CDCA2: variants seen among roughly 807,000 people sequenced by gnomAD.
The protein encoded by CDCA2 is cell division cycle associated 2.
In CDCA2, 44 loss-of-function variants were observed where a neutral mutation model predicts 67.0. The observed-to-expected ratio is 0.66, with a 90% CI of 0.52 to 0.84. CDCA2 has a LOEUF of 0.84. Ranked by LOEUF, CDCA2 falls within the 40% of genes least tolerant of loss-of-function variation. The pLI is 0.00. For missense variants in CDCA2, 1,253 were observed against 1,203.2 expected (o/e 1.04, Z -0.61); for synonymous variants, 447 against 418.7 (o/e 1.07, Z -0.82).
At chr8:25,479,645 C>T (rs1803487945) in intron 7 of CDCA2, 2 of 472,712 alleles carry the variant, frequency 4.2e-6, no homozygotes, top group Non-Finnish European at 7.7e-6. Context: ...TTCTTTCAAC[C>T]TCTGACTCAG....
chr8:25,475,166 GA>G (rs1308663242), intron 7 of CDCA2, among the ~76,000 whole-genome samples: 1 of 152,140 alleles, frequency 6.6e-6, no homozygotes, highest in African/African-American at 2.4e-5. Context: ...ATGCTCAAAG[GA>G]GATGGTTATT....
At chr8:25,479,460 T>G (rs530673416) in intron 7 of CDCA2, among the ~76,000 whole-genome samples, 2 of 152,308 alleles carry the variant, frequency 1.3e-5, no homozygotes, top group Non-Finnish European at 2.9e-5. Flanking sequence ...GTTTATAGTT[T>G]GGTGTGATGA....
chr8:25,507,846 A>G lies in CDCA2; in HGVS notation c.*108A>G. On this transcript the variant is annotated 3_prime_UTR_variant, in exon 15 of 15. Coordinates refer to ENST00000330560, the MANE Select transcript of CDCA2 (RefSeq NM_152562.4). ...CAACCTCAGTGTTTCAAAAGTTCCT[A>G]ATAAATAAACTCATTTGAGTTGAAC... 3 of 1,214,766 alleles carry G rather than the reference A, an allele frequency of 2.5e-6. No individual in the cohort carries two copies. Among genetic ancestry groups the G allele is most frequent in the Non-Finnish European group, 3.3e-6 (3 of 912,296 alleles). 75.2% of individuals were successfully genotyped at this position (1,214,766 alleles called of 1,614,324 possible).
intron 7 of CDCA2, among the ~76,000 whole-genome samples, chr8:25,475,752 G>A (rs555132045): frequency 1.0e-3 from 159 of 152,290 alleles, no homozygotes; most frequent in African/African-American, 3.5e-3. Context: ...CTGCTGGCTG[G>A]TTTCTCTGGT....
intron 5 of CDCA2, among the ~76,000 whole-genome samples, chr8:25,467,065 A>AACAC (rs748648393): frequency 4.8e-5 from 6 of 126,252 alleles, no homozygotes; most frequent in Admixed American, 3.5e-4. Flanking sequence ...AAAAAAAAAA[A>AACAC]ACACACACAC....
chr8:25,507,118 A>G lies in CDCA2; in HGVS notation c.2452A>G (p.Ser818Gly), dbSNP rs1804712705. The G allele has an allele frequency of 4.3e-6, 7 of 1,614,212 alleles. No homozygotes were observed. The highest frequency in any genetic ancestry group is 5.9e-6 in the Non-Finnish European group (7 of 1,180,038). Residue 818 changes from serine (S) to glycine (G), a missense_variant, in exon 15 of 15, where the codon AGT becomes GGT. Transcript: ENST00000330560. ...GGATTTGGGAAGAAAACCCATGGAA[A>G]GTAGCAGTGTTGTGAGTTGCAGAGA... ...SEDLGRKPME[S>G]SSVVSCRDRK...
At chr8:25,492,710 T>C (rs1187141494) in intron 13 of CDCA2, among the ~76,000 whole-genome samples, 1 of 152,218 alleles carries the variant, frequency 6.6e-6, no homozygotes, top group Non-Finnish European at 1.5e-5. Context: ...GAAAAATGTT[T>C]GCAGTCATAA....
At chr8:25,474,538 A>G (rs1205627170) in intron 7 of CDCA2, among the ~76,000 whole-genome samples, 2 of 152,134 alleles carry the variant, frequency 1.3e-5, no homozygotes, top group Admixed American at 6.6e-5. Flanking sequence ...AATTATTCAT[A>G]GTAGTTGCTT....
chr8:25,471,987 A>C (rs77110569), intron 7 of CDCA2: 1 of 152,252 alleles, frequency 6.6e-6, no homozygotes, highest in East Asian at 1.9e-4. Context: ...GTGCACCTTC[A>C]GGAAGAATAA....
At chr8:25,500,461 A>G (rs1419711977) in intron 13 of CDCA2, among the ~76,000 whole-genome samples, 1 of 152,172 alleles carries the variant, frequency 6.6e-6, no homozygotes, top group African/African-American at 2.4e-5. Flanking sequence ...ACATATATCA[A>G]AATATGGTGT....
At position 25,505,364 on chromosome 8, in the gene CDCA2, G is replaced by A. The variant is rs529496228; in HGVS notation, c.1844-1146G>A. Among the ~76,000 whole-genome samples, 93 of 152,184 alleles carry A rather than the reference G, an allele frequency of 6.1e-4. 1 individual carries two copies. Among genetic ancestry groups the A allele is most frequent in the African/African-American group, 2.2e-3 (90 of 41,514 alleles). On this transcript the variant is annotated intron_variant, in intron 14 of 14. Coordinates refer to ENST00000330560, the MANE Select transcript of CDCA2 (RefSeq NM_152562.4). ...CTACAAGCACGCGCCACCATGCCTG[G>A]CTAATTTTGTATTTTTAGTAGAGAC...
chr8:25,503,400 G>T lies in CDCA2; in HGVS notation c.1699G>T (p.Gly567Ter). The T allele has an allele frequency of 6.2e-7, 1 of 1,613,402 alleles. No individual in the cohort carries two copies. Among genetic ancestry groups the T allele is most frequent in the East Asian group, 2.2e-5 (1 of 44,862 alleles). ...TTTAAAAAGTTGCAGAAAGAAGAAA[G>T]GAAAGGGAAAGAAAAGTGTTCAGAA... ...QVLKSCRKKK[G>*]KGKKSVQKSL... The change falls in exon 14 of 15, where the codon GGA becomes TGA. Residue 567 changes from glycine (G) to a stop codon, truncating the protein, a stop_gained. Coordinates refer to ENST00000330560, the MANE Select transcript of CDCA2 (RefSeq NM_152562.4). LOFTEE classifies it high-confidence loss of function.
rs1338380544 is a variant in CDCA2 at position 25,507,227 on chromosome 8, C to G, written c.2561C>G (p.Ser854Cys). ...AAAAATGGAAATCACACACCATCCT[C>G]CAGTGTGGGCAGCTCTGTAGAAATT... ...LEKNGNHTPS[S>C]SVGSSVEISL... Residue 854 changes from serine (S) to cysteine (C), a missense_variant, in exon 15 of 15, where the codon TCC becomes TGC. Ser to Cys is a moderately radical substitution (Grantham distance 112). Coordinates refer to ENST00000330560, the MANE Select transcript of CDCA2 (RefSeq NM_152562.4). 1 of 1,614,140 alleles carries G rather than the reference C, an allele frequency of 6.2e-7. No homozygotes were observed. The highest frequency in any genetic ancestry group is 8.5e-7 in the Non-Finnish European group (1 of 1,180,032).
intron 4 of CDCA2, among the ~76,000 whole-genome samples, chr8:25,464,781 G>A (rs973367304): frequency 5.3e-5 from 8 of 152,112 alleles, no homozygotes; most frequent in African/African-American, 1.7e-4. Context: ...TAGATGAATT[G>A]ACATAAGCCT....
rs146908950 is a variant in CDCA2 at position 25,505,592 on chromosome 8, T to G, written c.1844-918T>G. Among the ~76,000 whole-genome samples the G allele has an allele frequency of 8.6e-3, 1,306 of 152,350 alleles. 6 individuals are homozygous for G. Among genetic ancestry groups the G allele is most frequent in the Non-Finnish European group, 0.014 (930 of 68,030 alleles). On this transcript the variant is annotated intron_variant, in intron 14 of 14. Coordinates refer to ENST00000330560, the MANE Select transcript of CDCA2 (RefSeq NM_152562.4). ...GACCTGTTTAATCTCTAGCTTTAAGTGACATGATTTTAAGTACCTTAATCA... is the reference window on the plus strand; with the variant it reads ...GACCTGTTTAATCTCTAGCTTTAAGGGACATGATTTTAAGTACCTTAATCA...
chr8:25,471,719 C>T (rs1445839943), intron 7 of CDCA2, among the ~76,000 whole-genome samples: 1 of 152,138 alleles, frequency 6.6e-6, no homozygotes, highest in Non-Finnish European at 1.5e-5. Flanking sequence ...GACAGATTCT[C>T]TGTGACAGTG....
chr8:25,478,888 GTATATATATATA>G (rs71511103), intron 7 of CDCA2, among the ~76,000 whole-genome samples: 23 of 111,602 alleles, frequency 2.1e-4, no homozygotes, highest in African/African-American at 9.1e-4. Context: ...TTGTGTGTGT[GTATATATATATA>G]TATATATATA....
At chr8:25,481,628 T>C (rs1194299368) in intron 8 of CDCA2, among the ~76,000 whole-genome samples, 1 of 152,048 alleles carries the variant, frequency 6.6e-6, no homozygotes, top group African/African-American at 2.4e-5. Flanking sequence ...GGGCAGAGCT[T>C]TCAGTGAGCC....
chr8:25,482,239 C>T (rs917990690), intron 8 of CDCA2, among the ~76,000 whole-genome samples: 2 of 152,172 alleles, frequency 1.3e-5, no homozygotes, highest in African/African-American at 4.8e-5. Context: ...CTTGTTTCTT[C>T]CTCAAGAATA....
Sources: allele counts gnomAD v4.1 joint callset (sites outside exome capture counted in the v4.1 genomes callset), GRCh38; gene constraint gnomAD v4.1.1; transcripts MANE v1.5; gene names NCBI Gene and HGNC (gene_info 2026-07-23, HGNC 2026-07-21).